Variants in ANK3 observed in about 807,000 individuals in gnomAD.
ANK3 encodes the protein ankyrin 3.
ANK3 carries 57 observed loss-of-function variants against 370.9 expected under a neutral mutation model. The ratio of observed to expected loss-of-function variants is 0.15; its 90% confidence interval spans 0.12 to 0.19. ANK3 has a LOEUF of 0.19. ANK3 is among the 10% of genes least tolerant of loss of function. The pLI, the probability that ANK3 is intolerant of heterozygous loss-of-function variation, is 1.00. For synonymous variants in ANK3, 1,929 were observed against 1,946.3 expected (o/e 0.99, Z 0.23); for missense variants, 4,439 against 5,302.1 (o/e 0.84, Z 5.06).
At chr10:60,356,811 C>T (rs2057815750) in intron 1 of ANK3, among the ~76,000 whole-genome samples, 1 of 152,126 alleles carries the variant, frequency 6.6e-6, no homozygotes, top group East Asian at 1.9e-4. Context: ...TGGGTTTAGG[C>T]GATTCTTGTG....
rs1201676728 is a variant in ANK3, at chr10:60,348,373, C to CAA, written c.114+41050_114+41051dup. ...AAAAAAAAAAAAAAAAAAAAAAACA[C>CAA]AAAAAACAAAAAAAACGAACTAACT... On this transcript the variant is annotated intron_variant, in intron 1 of 43. Transcript: ENST00000280772. 2.4e-3 allele frequency among the ~76,000 whole-genome samples: 239 copies of CAA among 100,278 alleles called. 1 individual carries two copies. The highest frequency in any genetic ancestry group is 8.0e-3 in the African/African-American group (217 of 26,958). 65.8% of individuals were successfully genotyped at this position (100,278 alleles called of 152,430 possible).
intron 25 of ANK3, among the ~76,000 whole-genome samples, chr10:60,122,065 A>C (rs2093513266): frequency 6.6e-6 from 1 of 152,210 alleles, no homozygotes; most frequent in African/African-American, 2.4e-5. Flanking sequence ...TTGGCTTTGA[A>C]GTTGAGTCAC....
In ANK3 at chr10:60,070,197, C is replaced by T; in HGVS notation, c.10684G>A (p.Asp3562Asn). 1 of 1,614,138 alleles carries T rather than the reference C, an allele frequency of 6.2e-7. No individual in the cohort carries two copies. Among genetic ancestry groups the T allele is most frequent in the Non-Finnish European group, 8.5e-7 (1 of 1,180,016 alleles). The stretch of plus-strand genomic sequence containing the variant: ...GCCAGCCCAAATGGCTTAGTTTCAT[C>T]TTCCCGTGATTTACTGTCAAAAACT... ...DEVFDSKSRE[D>N]ETKPFGLAVE... The change falls in exon 37 of 44, where the codon GAT becomes AAT. Residue 3562 changes from aspartate (D) to asparagine (N), a missense_variant. Physicochemically the swap from Asp to Asn is conservative, Grantham distance 23 (BLOSUM62 1). This residue lies in a region of ANK3 where 1,601 missense variants were observed against 1,731.7 expected (regional missense o/e 0.92). Coordinates refer to ENST00000280772, the MANE Select transcript of ANK3 (RefSeq NM_020987.5). This position sits in a 1 kb window ranked among gnomAD's most constrained non-coding sequence, Gnocchi z 5.7.
At chr10:60,254,435 C>T (rs1363866570) in intron 7 of ANK3, among the ~76,000 whole-genome samples, 3 of 152,178 alleles carry the variant, frequency 2.0e-5, no homozygotes, top group African/African-American at 2.4e-5. Context: ...CCAGGCTCAC[C>T]TCCTCTCCAT....
intron 1 of ANK3, among the ~76,000 whole-genome samples, chr10:60,303,841 T>C (rs545506671): frequency 6.6e-6 from 1 of 152,094 alleles, no homozygotes; most frequent in South Asian, 2.1e-4. Flanking sequence ...AGAACTAAAT[T>C]GTCTGTTGAC....
At chr10:60,475,330 A>T (rs2075033946) in intron 2 of ANK3, among the ~76,000 whole-genome samples, 1 of 152,176 alleles carries the variant, frequency 6.6e-6, no homozygotes, top group Non-Finnish European at 1.5e-5. Flanking sequence ...TATAAATCTG[A>T]GTTGAAAATG....
In ANK3 at chr10:60,076,318, G is replaced by A; in HGVS notation, c.4563C>T (p.Phe1521=). ...TAGAGGAAGAACTTGATAAGGAAGTGAAGCCTGACTTGGCTGGCCCAGGCA... is the reference window on the plus strand; with the variant it reads ...TAGAGGAAGAACTTGATAAGGAAGTAAAGCCTGACTTGGCTGGCCCAGGCA... ...ITVPGPAKSG[F]TSLSSSSSNT... Residue 1521 remains phenylalanine (F), a synonymous_variant, in exon 37 of 44, where the codon TTC becomes TTT. Transcript: ENST00000280772. The A allele has an allele frequency of 6.2e-7, 1 of 1,614,098 alleles. No homozygotes were observed. Among genetic ancestry groups the A allele is most frequent in the Non-Finnish European group, 8.5e-7 (1 of 1,179,988 alleles).
intron 1 of ANK3, among the ~76,000 whole-genome samples, chr10:60,642,437 G>A (rs1429457332): frequency 3.3e-5 from 5 of 152,116 alleles, no homozygotes; most frequent in Non-Finnish European, 5.9e-5. Flanking sequence ...ATACACCATG[G>A]AATACTATGC....
intron 25 of ANK3, among the ~76,000 whole-genome samples, chr10:60,130,546 T>G (rs1360138611): frequency 1.3e-5 from 2 of 152,232 alleles, no homozygotes; most frequent in African/African-American, 4.8e-5. Context: ...ACTGAAAACT[T>G]CTTTCACGCT....
intron 1 of ANK3, among the ~76,000 whole-genome samples, chr10:60,345,891 T>C (rs765751128): frequency 2.6e-5 from 4 of 152,120 alleles, no homozygotes; most frequent in Non-Finnish European, 5.9e-5. Flanking sequence ...TCTAGGAGCA[T>C]AGACTGATAT....
intron 18 of ANK3, among the ~76,000 whole-genome samples, chr10:60,180,667 A>G (rs923710362): frequency 6.6e-6 from 1 of 151,678 alleles, no homozygotes; most frequent in African/African-American, 2.4e-5. Flanking sequence ...ATCTGATATG[A>G]AGAAATAACA....
rs756227083 is a variant in ANK3, at chr10:60,068,959, AGTGGTGGTAGTGGTGGTG to A, written c.11904_11921del (p.Thr3973_Thr3978del). 37 of 1,613,088 alleles carry A rather than the reference AGTGGTGGTAGTGGTGGTG, an allele frequency of 2.3e-5. No homozygotes were observed. In the African/African-American group the frequency reaches 4.3e-4, roughly 19 times the overall value. ...TAACTGTGCAGCTGGTGGTGGTGGT[AGTGGTGGTAGTGGTGGTG>A]GTGGTGGCAGTGGTGGTGGTGGTAG... is the stretch of plus-strand genomic sequence containing the variant. On this transcript the variant is annotated inframe_deletion, in exon 37 of 44. Transcript: ENST00000280772.
At chr10:60,561,533 T>C (rs1476888690) in intron 2 of ANK3, among the ~76,000 whole-genome samples, 1 of 152,258 alleles carries the variant, frequency 6.6e-6, no homozygotes, top group Admixed American at 6.5e-5. Flanking sequence ...GATGCTGTAC[T>C]GTTCAGGTAT....
Position 60,238,868 on chromosome 10 carries a change from C to T in ANK3, c.799-4082G>A, listed in dbSNP as rs190583002. ...AATATTATTTAACTCAATCTCTCCC[C>T]TCCTACACACAATATCCAGTGTTCT... On this transcript the variant is annotated intron_variant, in intron 7 of 43. Transcript: ENST00000280772. Among the ~76,000 whole-genome samples, 196 of 152,112 alleles carry T rather than the reference C, an allele frequency of 1.3e-3. 1 individual carries two copies. Among genetic ancestry groups the T allele is most frequent in the African/African-American group, 4.5e-3 (187 of 41,498 alleles).
Position 60,070,227 on chromosome 10 carries a change from C to T in ANK3, c.10654G>A (p.Asp3552Asn). Residue 3552 changes from aspartate (D) to asparagine (N), a missense_variant, in exon 37 of 44, where the codon GAT becomes AAT. Asp to Asn is a conservative substitution (Grantham distance 23). Coordinates refer to ENST00000280772, the MANE Select transcript of ANK3 (RefSeq NM_020987.5). The surrounding 1 kb of genome is among the most constrained non-coding windows in gnomAD (Gnocchi z 5.7). The stretch of plus-strand genomic sequence containing the variant: ...CGTGATTTACTGTCAAAAACTTCAT[C>T]ATCCCCTCGGTTATTAGACCAAGGG... The part of the protein sequence containing the change: ...FDPWSNNRGD[D>N]EVFDSKSRED... 1.2e-6 allele frequency: 2 copies of T among 1,614,146 alleles called. No individual in the cohort carries two copies. The highest frequency in any genetic ancestry group is 1.7e-6 in the Non-Finnish European group (2 of 1,179,992).
chr10:60,714,231 A>G (rs1454032394), intron 1 of ANK3, among the ~76,000 whole-genome samples: 1 of 152,208 alleles, frequency 6.6e-6, no homozygotes, highest in Non-Finnish European at 1.5e-5. Context: ...CTTATCTATT[A>G]AAGACATTGA....
intron 2 of ANK3, among the ~76,000 whole-genome samples, chr10:60,571,738 A>G (rs2133267507): frequency 6.6e-6 from 1 of 152,316 alleles, no homozygotes; most frequent in East Asian, 1.9e-4. Flanking sequence ...AGATCTAGAG[A>G]ATTATCTTTT....
At chr10:60,270,015 C>T (rs530127443) in intron 5 of ANK3, 116 bp downstream of exon 5, 3 of 539,066 alleles carry the variant, frequency 5.6e-6, no homozygotes, top group African/African-American at 3.9e-5. Context: ...CTTATGAACC[C>T]ACACATTAAT....
At chr10:60,364,568 A>C (rs1274287162) in intron 1 of ANK3, among the ~76,000 whole-genome samples, 2 of 152,106 alleles carry the variant, frequency 1.3e-5, no homozygotes, top group Non-Finnish European at 2.9e-5. Context: ...CGGGTGGGAT[A>C]GCATTAGGAG....
Sources: allele counts gnomAD v4.1 joint callset (sites outside exome capture counted in the v4.1 genomes callset), GRCh38; gene constraint gnomAD v4.1.1; regional missense constraint gnomAD v4.1.1; non-coding constraint Gnocchi (gnomAD v3.1); transcripts MANE v1.5; gene names NCBI Gene and HGNC (gene_info 2026-07-23, HGNC 2026-07-21).